MIB1: variants seen among roughly 807,000 people sequenced by gnomAD.
The protein encoded by MIB1 is MIB E3 ubiquitin protein ligase 1, also known as E3 ubiquitin-protein ligase MIB1.
Under a neutral mutation model 124.5 loss-of-function variants are expected in MIB1, and 278 were observed. The ratio of observed to expected loss-of-function variants is 2.23; its 90% confidence interval spans 2.02 to 2.47. The LOEUF is 2.47. Among genes scored for constraint, MIB1 ranks in the 30% most tolerant of loss-of-function variants. The probability of loss-of-function intolerance (pLI) is 0.00; values close to 1 mark genes in which losing one functional copy is unlikely to be tolerated. For missense variants in MIB1, 957 were observed against 1,254.4 expected (o/e 0.76, Z 3.58); for synonymous variants, 446 against 429.4 (o/e 1.04, Z -0.48).
At chr18:21,739,507 A>C (rs2040817979), upstream of MIB1, among the ~76,000 whole-genome samples, 2 of 152,214 alleles carry the variant, frequency 1.3e-5, no homozygotes, top group South Asian at 4.1e-4. Context: ...AGAAAATTTC[A>C]GGCCAATATC....
chr18:21,839,999 A>G (rs2042067969), intron 13 of MIB1, among the ~76,000 whole-genome samples: 2 of 152,188 alleles, frequency 1.3e-5, no homozygotes, highest in African/African-American at 4.8e-5. Context: ...AGTTACAGTG[A>G]GCTATGATTA....
Position 21,797,984 on chromosome 18 carries a change from G to T in MIB1, c.1093-100G>T. ...TTATCCTTTGAAAGTTTTTTCATTA[G>T]TAATAAGTAAAATCATTACTTTAAG... is the stretch of plus-strand genomic sequence containing the variant. On this transcript the variant is annotated intron_variant, in intron 7 of 20. Transcript: ENST00000261537. The T allele has an allele frequency of 4.3e-6, 5 of 1,169,378 alleles. No homozygotes were observed. The South Asian group carries it at 5.1e-5, about 12-fold the overall frequency. 72.4% of individuals were successfully genotyped at this position (1,169,378 alleles called of 1,614,324 possible). A position where few individuals can be genotyped will look rare whatever the true frequency, so the allele number is the denominator to read the frequency against.
chr18:21,732,771 G>A (rs1443046988), intron 1 of MIB1, among the ~76,000 whole-genome samples: 1 of 152,184 alleles, frequency 6.6e-6, no homozygotes, highest in African/African-American at 2.4e-5. Flanking sequence ...AAGCAGCACT[G>A]TAAGTTGGAT....
chr18:21,783,169 A>G (rs1301157553), intron 6 of MIB1, among the ~76,000 whole-genome samples: 1 of 151,412 alleles, frequency 6.6e-6, no homozygotes, highest in African/African-American at 2.4e-5. Context: ...TTTATAGGTG[A>G]AATGAATTTC....
At chr18:21,806,403 T>C (rs2146462951) in intron 10 of MIB1, among the ~76,000 whole-genome samples, 1 of 152,182 alleles carries the variant, frequency 6.6e-6, no homozygotes, top group Middle Eastern at 3.4e-3. Context: ...GGTCTCACTA[T>C]GTTGCCCAGT....
chr18:21,851,971 G>A (rs917310481), intron 17 of MIB1, among the ~76,000 whole-genome samples: 1 of 151,906 alleles, frequency 6.6e-6, no homozygotes, highest in Non-Finnish European at 1.5e-5. Context: ...CAAATGCAAT[G>A]GAAATCATTT....
Position 21,864,868 on chromosome 18 carries a change from T to C in MIB1, c.*202T>C. On this transcript the variant is annotated 3_prime_UTR_variant, in exon 21 of 21. Coordinates refer to ENST00000261537, the MANE Select transcript of MIB1 (RefSeq NM_020774.4). ...TGTGTTTTTTGTTTTTGTTTTAAAT[T>C]TGAAACATCAAATTCATGTAACTCA... The C allele has an allele frequency of 5.0e-6, 2 of 403,836 alleles. No homozygotes were observed. Among genetic ancestry groups the C allele is most frequent in the Non-Finnish European group, 8.7e-6 (2 of 229,150 alleles). The allele number at this position is 403,836 out of a possible 1,614,324, so 25.0% of individuals were successfully genotyped here. A position where few individuals can be genotyped will look rare whatever the true frequency, so the allele number is the denominator to read the frequency against.
At chr18:21,778,680 C>G (rs938968642) in intron 5 of MIB1, among the ~76,000 whole-genome samples, 2 of 152,076 alleles carry the variant, frequency 1.3e-5, no homozygotes, top group African/African-American at 4.8e-5. Context: ...CCACACTCTC[C>G]TGATCTTTAT....
At chr18:21,734,088 T>C (rs554670543) in intron 1 of MIB1, among the ~76,000 whole-genome samples, 2 of 151,526 alleles carry the variant, frequency 1.3e-5, no homozygotes, top group South Asian at 4.2e-4. Context: ...ATAAATATGA[T>C]ATTTGTTCTT....
Position 21,853,220 on chromosome 18 carries a change from T to G in MIB1, c.2665+2T>G. 1.3e-6 allele frequency: 2 copies of G among 1,597,274 alleles called. No individual in the cohort carries two copies. Among genetic ancestry groups the G allele is most frequent in the Non-Finnish European group, 1.7e-6 (2 of 1,165,192 alleles). On this transcript the variant is annotated splice_donor_variant, in intron 18 of 20. Transcript: ENST00000261537. LOFTEE classifies it high-confidence loss of function. ...GTGGCCACATGTGTGCTTGTGAGAG[T>G]AAGTAGCCTATGCAGAGTTCCTCAA...
intron 13 of MIB1, among the ~76,000 whole-genome samples, chr18:21,842,832 T>C (rs2042103300): frequency 6.6e-6 from 1 of 152,194 alleles, no homozygotes. Flanking sequence ...TAGTGGAGAT[T>C]GAAAGAGATC....
At chr18:21,718,894 C>A (rs1482005763) in intron 1 of MIB1, among the ~76,000 whole-genome samples, 1 of 152,066 alleles carries the variant, frequency 6.6e-6, no homozygotes, top group African/African-American at 2.4e-5. Flanking sequence ...TCTACAAAAA[C>A]AATTTTAAAA....
Position 21,853,233 on chromosome 18 carries a change from C to T in MIB1, c.2665+15C>T, listed in dbSNP as rs530315225. 2.0e-6 allele frequency: 3 copies of T among 1,525,062 alleles called. No homozygotes were observed. The Admixed American group carries it at 5.2e-5, about 26-fold the overall frequency. The allele number at this position is 1,525,062 out of a possible 1,614,324, so 94.5% of individuals were successfully genotyped here. A position where few individuals can be genotyped will look rare whatever the true frequency, so the allele number is the denominator to read the frequency against. Reference sequence around the variant, plus strand: ...TGCTTGTGAGAGTAAGTAGCCTATGCAGAGTTCCTCAATATTATTATAAAA... The same window carrying T: ...TGCTTGTGAGAGTAAGTAGCCTATGTAGAGTTCCTCAATATTATTATAAAA... On this transcript the variant is annotated intron_variant, in intron 18 of 20. Transcript: ENST00000261537.
intron 9 of MIB1, among the ~76,000 whole-genome samples, chr18:21,800,201 T>TA (rs2041635503): frequency 2.0e-5 from 3 of 152,096 alleles, no homozygotes; most frequent in South Asian, 2.1e-4. Context: ...TTTACACACT[T>TA]ACATTTTGGT....
intron 13 of MIB1, among the ~76,000 whole-genome samples, chr18:21,842,855 C>T: frequency 6.6e-6 from 1 of 152,158 alleles, no homozygotes; most frequent in East Asian, 1.9e-4. Flanking sequence ...TCTTTGAACT[C>T]TACTGTGCTT....
At chr18:21,747,937 G>A (rs1301055629) in intron 1 of MIB1, among the ~76,000 whole-genome samples, 1 of 152,148 alleles carries the variant, frequency 6.6e-6, no homozygotes, top group African/African-American at 2.4e-5. Flanking sequence ...TGTTATTCTT[G>A]TATCTCCATT....
Position 21,708,420 on chromosome 18 carries a change from G to A in MIB1, n.167+3297G>A, listed in dbSNP as rs568147069. On this transcript the variant is annotated intron_variant and non_coding_transcript_variant, in intron 1 of 20. Transcript: ENST00000578646. ...TGTAATCCCAGCACTTTGGGAGGCC[G>A]ATGCAGTTGAGTCACTTGAGGTCAG... Among the ~76,000 whole-genome samples, 7 of 152,296 alleles carry A rather than the reference G, an allele frequency of 4.6e-5. No individual in the cohort carries two copies. In the South Asian group the frequency reaches 6.2e-4, roughly 14 times the overall value.
chr18:21,782,498 ATATGT>A (rs1219996020), intron 6 of MIB1, among the ~76,000 whole-genome samples: 1 of 151,742 alleles, frequency 6.6e-6, no homozygotes, highest in Non-Finnish European at 1.5e-5. Flanking sequence ...ATGGATTTTG[ATATGT>A]TGTGTTTCCA....
intron 12 of MIB1, chr18:21,828,779 C>T (rs371366816): frequency 5.2e-6 from 1 of 191,842 alleles, no homozygotes; most frequent in Non-Finnish European, 1.1e-5. Context: ...AAAGGAGTTT[C>T]ATGATAATTG....
Sources: gnomAD v4.1 joint callset for allele counts (sites outside exome capture counted in the v4.1 genomes callset) on GRCh38, gnomAD v4.1.1 for gene constraint, MANE v1.5 for transcripts, NCBI Gene and HGNC (gene_info 2026-07-23, HGNC 2026-07-21) for gene names.